Variants in MARCHF1 observed in about 807,000 individuals in gnomAD.
MARCHF1 encodes membrane associated ring-CH-type finger 1.
In MARCHF1, 40 loss-of-function variants were observed where a neutral mutation model predicts 54.2. That is an observed-to-expected ratio of 0.74 (90% CI 0.57 to 0.96). The LOEUF (loss-of-function observed/expected upper bound fraction) is 0.96. Among genes scored for constraint, MARCHF1 ranks in the 40% least tolerant of loss-of-function variants. MARCHF1 has a pLI of 0.00. For synonymous variants in MARCHF1, 236 were observed against 236.3 expected (o/e 1.00, Z 0.01); for missense variants, 586 against 656.5 (o/e 0.89, Z 1.17).
chr4:163,860,846 C>T (rs72997277), intron 3 of MARCHF1, among the ~76,000 whole-genome samples: 35 of 152,142 alleles, frequency 2.3e-4, no homozygotes, highest in African/African-American at 8.0e-4. Context: ...AACTTCTAGC[C>T]GGAATAACAC....
At chr4:163,719,544 G>C (rs540309369) in intron 4 of MARCHF1, among the ~76,000 whole-genome samples, 8 of 151,956 alleles carry the variant, frequency 5.3e-5, no homozygotes, top group Admixed American at 3.9e-4. Flanking sequence ...GGGTATATAC[G>C]CAGTAATGGG....
intron 4 of MARCHF1, among the ~76,000 whole-genome samples, chr4:163,797,148 A>G (rs1189296087): frequency 6.6e-6 from 1 of 151,112 alleles, no homozygotes; most frequent in Non-Finnish European, 1.5e-5. Context: ...TGCATTTCAC[A>G]TTTGCTAAGT....
intron 1 of MARCHF1, among the ~76,000 whole-genome samples, chr4:164,318,075 G>A (rs1036887968): frequency 2.6e-5 from 4 of 152,076 alleles, no homozygotes; most frequent in Admixed American, 2.0e-4. Context: ...TTTAATTTTT[G>A]TCTACCTCAG....
chr4:163,996,353 G>A (rs1753075890), intron 2 of MARCHF1, among the ~76,000 whole-genome samples: 1 of 151,862 alleles, frequency 6.6e-6, no homozygotes, highest in African/African-American at 2.4e-5. Flanking sequence ...AATAATGAAA[G>A]AACTATTACT....
At chr4:163,598,966 C>G (rs969491702) in intron 7 of MARCHF1, among the ~76,000 whole-genome samples, 1 of 152,142 alleles carries the variant, frequency 6.6e-6, no homozygotes, top group Admixed American at 6.5e-5. Context: ...TACTTTCTTT[C>G]TATTCTTATT....
intron 4 of MARCHF1, among the ~76,000 whole-genome samples, chr4:163,779,983 A>G (rs1393858297): frequency 6.6e-6 from 1 of 152,246 alleles, no homozygotes; most frequent in African/African-American, 2.4e-5. Flanking sequence ...CAGTGCATCA[A>G]GGACACTGCT....
At chr4:164,033,800 T>C (rs988414550) in intron 2 of MARCHF1, among the ~76,000 whole-genome samples, 3 of 152,070 alleles carry the variant, frequency 2.0e-5, no homozygotes, top group South Asian at 2.1e-4. Flanking sequence ...TGTGGAGAAA[T>C]AGTAACACTT....
intron 3 of MARCHF1, among the ~76,000 whole-genome samples, chr4:163,909,005 A>T (rs954877757): frequency 8.5e-5 from 13 of 152,200 alleles, no homozygotes; most frequent in Non-Finnish European, 1.6e-4. Context: ...AGGTAAAAAT[A>T]TAACATTAGG....
At chr4:164,146,480 G>A (rs1038003817) in intron 1 of MARCHF1, among the ~76,000 whole-genome samples, 5 of 152,108 alleles carry the variant, frequency 3.3e-5, no homozygotes, top group African/African-American at 4.8e-5. Flanking sequence ...CAGAGATATA[G>A]ATCAATGGAT....
chr4:163,547,180 G>T (rs1383046746), intron 8 of MARCHF1, among the ~76,000 whole-genome samples: 1 of 152,214 alleles, frequency 6.6e-6, no homozygotes, highest in East Asian at 1.9e-4. Flanking sequence ...GCTTTGAGAC[G>T]TGGTTAAAAT....
chr4:163,607,579 T>C (rs948220341), intron 7 of MARCHF1, among the ~76,000 whole-genome samples: 2 of 152,106 alleles, frequency 1.3e-5, no homozygotes, highest in African/African-American at 4.8e-5. Flanking sequence ...ACCCATGCTA[T>C]ATTGGTCTAA....
intron 3 of MARCHF1, among the ~76,000 whole-genome samples, chr4:163,870,238 A>G (rs1468556488): frequency 6.6e-6 from 1 of 152,106 alleles, no homozygotes. Flanking sequence ...AATTTTCTGT[A>G]TTACATTTAA....
chr4:163,864,420 T>C (rs961539716), intron 3 of MARCHF1, among the ~76,000 whole-genome samples: 2 of 151,598 alleles, frequency 1.3e-5, no homozygotes, highest in South Asian at 2.1e-4. Flanking sequence ...GCAAGGAAAG[T>C]CTAAGAAACT....
intron 4 of MARCHF1, among the ~76,000 whole-genome samples, chr4:163,762,830 T>C (rs1269534859): frequency 6.6e-6 from 1 of 152,132 alleles, no homozygotes; most frequent in African/African-American, 2.4e-5. Flanking sequence ...AGTAGGGATA[T>C]AATAAGAACA....
chr4:164,315,155 A>G (rs1734961986), intron 1 of MARCHF1, among the ~76,000 whole-genome samples: 1 of 150,964 alleles, frequency 6.6e-6, no homozygotes, highest in Non-Finnish European at 1.5e-5. Context: ...TTCGGATCTC[A>G]TTAAAACCAA....
chr4:163,707,455 T>C (rs1260975774), intron 4 of MARCHF1, among the ~76,000 whole-genome samples: 1 of 152,040 alleles, frequency 6.6e-6, no homozygotes, highest in Non-Finnish European at 1.5e-5. Context: ...AATAAATATA[T>C]GGCAAGATGC....
intron 5 of MARCHF1, among the ~76,000 whole-genome samples, chr4:163,638,332 C>G (rs56257450): frequency 0.031 from 4,680 of 151,790 alleles, 101 homozygotes; most frequent in Middle Eastern, 0.056. Context: ...GGGAGGATTC[C>G]TCATGAATGG....
chr4:164,251,185 C>G (rs990362611), intron 1 of MARCHF1, among the ~76,000 whole-genome samples: 4 of 151,984 alleles, frequency 2.6e-5, no homozygotes, highest in Non-Finnish European at 5.9e-5. Context: ...AATATATTTC[C>G]CTAACAAAAC....
intron 4 of MARCHF1, among the ~76,000 whole-genome samples, chr4:163,760,684 T>A (rs1055976666): frequency 2.0e-5 from 3 of 152,170 alleles, no homozygotes; most frequent in Admixed American, 2.0e-4. Flanking sequence ...TACAATTGAG[T>A]ACATATAAAT....
Sources: allele counts gnomAD v4.1 joint callset (sites outside exome capture counted in the v4.1 genomes callset), GRCh38; gene constraint gnomAD v4.1.1; transcripts MANE v1.5; gene names NCBI Gene and HGNC (gene_info 2026-07-23, HGNC 2026-07-21).